Variants in GLYATL2 observed in about 807,000 individuals in gnomAD.
The protein encoded by GLYATL2 is glycine-N-acyltransferase like 2.
Under a neutral mutation model 21.4 loss-of-function variants are expected in GLYATL2, and 25 were observed. That is an observed-to-expected ratio of 1.17 (90% CI 0.85 to 1.63). GLYATL2 has a LOEUF of 1.63. Ranked by LOEUF, GLYATL2 falls within the 40% of genes most tolerant of loss-of-function variation. GLYATL2 has a pLI of 0.00. For missense variants in GLYATL2, 361 were observed against 343.3 expected (o/e 1.05, Z -0.41); for synonymous variants, 114 against 118.2 (o/e 0.96, Z 0.23).
chr11:58,895,796 G>A (rs1032824751), intron 1 of GLYATL2, among the ~76,000 whole-genome samples: 1 of 151,690 alleles, frequency 6.6e-6, no homozygotes, highest in Non-Finnish European at 1.5e-5. Flanking sequence ...AGTAAATGCC[G>A]GCACCTATGC....
chr11:58,887,950 C>T (rs1056325222), intron 1 of GLYATL2, among the ~76,000 whole-genome samples: 25 of 152,176 alleles, frequency 1.6e-4, no homozygotes, highest in Admixed American at 1.2e-3. Context: ...TTTCCATTAG[C>T]AATGTGTGGA....
At chr11:58,881,098 G>A (rs188211710) in intron 1 of GLYATL2, among the ~76,000 whole-genome samples, 1 of 151,968 alleles carries the variant, frequency 6.6e-6, no homozygotes, top group Non-Finnish European at 1.5e-5. Flanking sequence ...TATATGACAT[G>A]TTGATTATTA....
chr11:58,906,642 C>T (rs1001241361), upstream of GLYATL2, among the ~76,000 whole-genome samples: 1 of 152,136 alleles, frequency 6.6e-6, no homozygotes, highest in African/African-American at 2.4e-5. Flanking sequence ...CATTTCTCCC[C>T]GGGGCAGAGA....
intron 1 of GLYATL2, among the ~76,000 whole-genome samples, chr11:58,878,625 T>C (rs997243351): frequency 6.6e-6 from 1 of 152,206 alleles, no homozygotes; most frequent in African/African-American, 2.4e-5. Context: ...ATTTGGCTTT[T>C]GAAAATTCAC....
chr11:58,868,986 T>TG lies in GLYATL2; in HGVS notation n.61-30619_61-30618insC, dbSNP rs1489619725. 1.5e-4 allele frequency among the ~76,000 whole-genome samples: 20 copies of TG among 132,346 alleles called. 1 individual carries two copies. The highest frequency in any genetic ancestry group is 6.9e-4 in the East Asian group (2 of 2,878). The allele number at this position is 132,346 out of a possible 152,430, so 86.8% of individuals were successfully genotyped here. On this transcript the variant is annotated intron_variant and non_coding_transcript_variant, in intron 1 of 4. Transcript: ENST00000533636. ...ACACTCTTGGGGAGTTGTTCGTCAT[T>TG]TTGTGTGTGTCCAGGCAAGTGAGTG... is the stretch of plus-strand genomic sequence containing the variant.
At position 58,863,605 on chromosome 11, in the gene GLYATL2, G is replaced by A. The variant is rs113040048; in HGVS notation, n.61-25237C>T. Among the ~76,000 whole-genome samples, 142 of 152,254 alleles carry A rather than the reference G, an allele frequency of 9.3e-4. 1 individual carries two copies. The highest frequency in any genetic ancestry group is 3.0e-3 in the African/African-American group (124 of 41,534). On this transcript the variant is annotated intron_variant and non_coding_transcript_variant, in intron 1 of 4. Coordinates refer to the GLYATL2 transcript ENST00000533636. ...CTGGCCTAGGGCTGGGATGGGGTGG[G>A]GCCAGTCTAGAGCCTGAGACCATAG...
chr11:58,858,960 C>T (rs1371449537), intron 1 of GLYATL2, among the ~76,000 whole-genome samples: 4 of 152,174 alleles, frequency 2.6e-5, no homozygotes, highest in African/African-American at 9.7e-5. Context: ...CTCAGTACCT[C>T]TCCCTGAATG....
chr11:58,871,736 A>G (rs1854125020), intron 1 of GLYATL2, among the ~76,000 whole-genome samples: 2 of 152,150 alleles, frequency 1.3e-5, no homozygotes, highest in Non-Finnish European at 2.9e-5. Flanking sequence ...TAGTGCTGCA[A>G]TAAACATATG....
At chr11:58,838,405 T>C in intron 2 of GLYATL2, 37 bp from the exon 3 acceptor site, 48 of 1,151,100 alleles carry the variant, frequency 4.2e-5, no homozygotes, top group Non-Finnish European at 5.8e-5. Context: ...GAGGATGAAG[T>C]TCTTCTCCAA....
intron 1 of GLYATL2, among the ~76,000 whole-genome samples, chr11:58,890,242 A>G (rs567157344): frequency 4.6e-5 from 7 of 152,144 alleles, no homozygotes; most frequent in Non-Finnish European, 1.0e-4. Context: ...GGATTATTGC[A>G]CTGTGGAAAG....
chr11:58,838,650 GT>G (rs1853487153), intron 2 of GLYATL2, among the ~76,000 whole-genome samples: 1 of 151,974 alleles, frequency 6.6e-6, no homozygotes, highest in South Asian at 2.1e-4. Context: ...CATTTTCTCA[GT>G]TTTTTTCTTT....
At chr11:58,872,317 C>G (rs1008051633) in intron 1 of GLYATL2, among the ~76,000 whole-genome samples, 1 of 152,090 alleles carries the variant, frequency 6.6e-6, no homozygotes, top group African/African-American at 2.4e-5. Flanking sequence ...TTTTGGCTTT[C>G]GTTGCCATTG....
At chr11:58,880,425 T>C (rs1436683816) in intron 1 of GLYATL2, among the ~76,000 whole-genome samples, 1 of 151,932 alleles carries the variant, frequency 6.6e-6, no homozygotes, top group African/African-American at 2.4e-5. Context: ...AGTGTGGGGG[T>C]TGTTCTCATG....
chr11:58,886,436 T>A (rs1438048993), intron 1 of GLYATL2, among the ~76,000 whole-genome samples: 1 of 152,222 alleles, frequency 6.6e-6, no homozygotes, highest in Non-Finnish European at 1.5e-5. Context: ...CATTGTCCAA[T>A]CTGAATTCAA....
chr11:58,857,238 C>T (rs4103678), intron 1 of GLYATL2, among the ~76,000 whole-genome samples: 135,043 of 152,200 alleles, frequency 0.89, 61,069 homozygotes, highest in Non-Finnish European at 0.98. Context: ...GATACTGTGA[C>T]TTTAATTTGC....
At chr11:58,839,148 T>C (rs1377490934) in intron 2 of GLYATL2, among the ~76,000 whole-genome samples, 3 of 152,138 alleles carry the variant, frequency 2.0e-5, no homozygotes, top group Non-Finnish European at 4.4e-5. Context: ...TGTAACCCAA[T>C]TAAGCCTTGG....
chr11:58,861,400 C>A (rs1400592620), intron 1 of GLYATL2, among the ~76,000 whole-genome samples: 4 of 151,630 alleles, frequency 2.6e-5, no homozygotes, highest in Non-Finnish European at 4.4e-5. Flanking sequence ...TATTCTGATC[C>A]TTTGTGATAT....
At chr11:58,837,975 A>G (rs1345055901) in intron 3 of GLYATL2, among the ~76,000 whole-genome samples, 1 of 152,220 alleles carries the variant, frequency 6.6e-6, no homozygotes, top group Non-Finnish European at 1.5e-5. Context: ...ACTTTCAGCC[A>G]TAGAAGTCTA....
chr11:58,899,505 G>GA (rs1854696560), intron 1 of GLYATL2, among the ~76,000 whole-genome samples: 1 of 152,142 alleles, frequency 6.6e-6, no homozygotes, highest in African/African-American at 2.4e-5. Flanking sequence ...GATGGAGGGA[G>GA]AAAGAACAAC....
Sources: gnomAD v4.1 joint callset for allele counts (sites outside exome capture counted in the v4.1 genomes callset) on GRCh38, gnomAD v4.1.1 for gene constraint, MANE v1.5 for transcripts, NCBI Gene and HGNC (gene_info 2026-07-23, HGNC 2026-07-21) for gene names.